Variants in UMOD observed in about 807,000 individuals in gnomAD.
UMOD encodes uromodulin, also known as Tamm-Horsfall urinary glycoprotein.
Under a neutral mutation model 66.0 loss-of-function variants are expected in UMOD, and 64 were observed. The observed-to-expected ratio is 0.97, with a 90% CI of 0.79 to 1.19. UMOD has a LOEUF of 1.19. Ranked by LOEUF, UMOD falls within the 50% of genes most tolerant of loss-of-function variation. UMOD has a pLI of 0.00. For missense variants in UMOD, 764 were observed against 850.9 expected (o/e 0.90, Z 1.27); for synonymous variants, 398 against 352.7 (o/e 1.13, Z -1.44).
intron 2 of UMOD, chr16:20,349,731 T>C (rs1024856906): frequency 5.2e-6 from 8 of 1,536,608 alleles, no homozygotes; most frequent in Non-Finnish European, 6.1e-6. Context: ...ACGGTGAACC[T>C]GTTGCCCCTC....
upstream of UMOD, among the ~76,000 whole-genome samples, chr16:20,353,052 G>A (rs141252668): frequency 6.6e-6 from 1 of 152,262 alleles, no homozygotes; most frequent in African/African-American, 2.4e-5. Flanking sequence ...CACTGACAAG[G>A]GCAGGGTGGG....
intron 2 of UMOD, 116 bp downstream of exon 2, chr16:20,350,534 T>C (rs1213081191): frequency 1.5e-6 from 2 of 1,302,088 alleles, no homozygotes; most frequent in Admixed American, 2.0e-5. Flanking sequence ...AATGCAAGTC[T>C]CAAGTGCGAT....
chr16:20,340,472 GTATATATA>G (rs10533543), intron 7 of UMOD, among the ~76,000 whole-genome samples: 1 of 112,526 alleles, frequency 8.9e-6, no homozygotes, highest in African/African-American at 4.1e-5. Context: ...GTGTGTGTGT[GTATATATA>G]TATATATATA....
chr16:20,355,980 G>A (rs1966024186), upstream of UMOD, among the ~76,000 whole-genome samples: 1 of 152,190 alleles, frequency 6.6e-6, no homozygotes, highest in Non-Finnish European at 1.5e-5. Flanking sequence ...TTGGGTTACA[G>A]AACATTCCAT....
chr16:20,341,306 G>A lies in UMOD; in HGVS notation c.1362C>T (p.Gly454=), dbSNP rs770875763. Reference sequence around the variant, plus strand: ...AGAGCGCCATCCGCACGGTGAACATGCCGGTCCCGCCCACTCTGATGTTTA... The same window carrying A: ...AGAGCGCCATCCGCACGGTGAACATACCGGTCCCGCCCACTCTGATGTTTA... ...SALNIRVGGT[G]MFTVRMALFQ... is the part of the protein sequence containing the mutation. The change falls in exon 7 of 11, where the codon GGC becomes GGT. Residue 454 remains glycine, a synonymous_variant. Coordinates refer to ENST00000396138, the MANE Select transcript of UMOD (RefSeq NM_003361.4). 1 of 1,613,862 alleles carries A rather than the reference G, an allele frequency of 6.2e-7. No homozygotes were observed. The highest frequency in any genetic ancestry group is 1.1e-5 in the South Asian group (1 of 91,082).
At chr16:20,336,820 T>A in intron 8 of UMOD, 93 bp from the exon 9 acceptor site, 1 of 1,155,446 alleles carries the variant, frequency 8.7e-7, no homozygotes, top group Non-Finnish European at 1.3e-6. Flanking sequence ...CACAGGTGCC[T>A]TCCCTTGCCC....
rs755850083 is a variant in UMOD at position 20,348,362 on chromosome 16, A to C, written c.866-32T>G. On this transcript the variant is annotated intron_variant, in intron 3 of 10. Coordinates refer to ENST00000396138, the MANE Select transcript of UMOD (RefSeq NM_003361.4). ...GGTCACAGGGACAGACAGACAATCA[A>C]TAAGGACGCACCCCCGTCCTCTGCA... 5 of 1,614,048 alleles carry C rather than the reference A, an allele frequency of 3.1e-6. No individual in the cohort carries two copies. The African/African-American group carries it at 6.7e-5, about 22-fold the overall frequency.
At chr16:20,343,526 AG>A (rs1965361191) in intron 6 of UMOD, among the ~76,000 whole-genome samples, 1 of 152,230 alleles carries the variant, frequency 6.6e-6, no homozygotes, top group African/African-American at 2.4e-5. Flanking sequence ...CTCTTTGAAA[AG>A]TAGAGACTTT....
At chr16:20,355,002 T>C (rs984763531), upstream of UMOD, among the ~76,000 whole-genome samples, 8 of 152,148 alleles carry the variant, frequency 5.3e-5, no homozygotes, top group Non-Finnish European at 8.8e-5. Context: ...GTCTCTGAAA[T>C]TATTCAAACT....
At chr16:20,339,769 C>T (rs1365879390) in intron 7 of UMOD, among the ~76,000 whole-genome samples, 1 of 152,236 alleles carries the variant, frequency 6.6e-6, no homozygotes, top group Non-Finnish European at 1.5e-5. Flanking sequence ...AGTTGGCCCT[C>T]CCCCTTTAGA....
intron 10 of UMOD, among the ~76,000 whole-genome samples, chr16:20,334,874 C>T (rs1165110531): frequency 1.3e-5 from 2 of 150,384 alleles, no homozygotes; most frequent in Admixed American, 1.3e-4. Context: ...GCTTTGTTGC[C>T]AGGCTGGAGT....
chr16:20,348,525 TCC>T lies in UMOD; in HGVS notation c.774_775del (p.Trp258Ter), dbSNP rs759615920. ...ACAGGCCTTCACCTGGACGGACGCATCCCACAGGCAGCAGTGGCCGCTCCAGT... is the reference window on the plus strand; with the variant it reads ...ACAGGCCTTCACCTGGACGGACGCATCACAGGCAGCAGTGGCCGCTCCAGT... On this transcript the variant is annotated stop_gained and frameshift_variant, in exon 3 of 11. Transcript: ENST00000396138. LOFTEE classifies it high-confidence loss of function. The T allele has an allele frequency of 2.5e-6, 4 of 1,606,384 alleles. No homozygotes were observed. In the South Asian group the frequency reaches 4.4e-5, roughly 18 times the overall value.
upstream of UMOD, among the ~76,000 whole-genome samples, chr16:20,354,451 G>A (rs191630063): frequency 5.9e-5 from 9 of 152,256 alleles, no homozygotes; most frequent in Non-Finnish European, 5.9e-5. Context: ...TTGCCAAAAG[G>A]ATAAGTGGAA....
chr16:20,344,091 T>A lies in UMOD; in HGVS notation c.1264A>T (p.Asn422Tyr). The A allele has an allele frequency of 2.5e-6, 4 of 1,613,420 alleles. No individual in the cohort carries two copies. Among genetic ancestry groups the A allele is most frequent in the Non-Finnish European group, 3.4e-6 (4 of 1,179,958 alleles). ...TCCAGGGGGTAGGAGCATGCAAAGT[T>A]GATTTTGATGTTGAGGTCACGGATG... is the stretch of plus-strand genomic sequence containing the variant. ...IIIRDLNIKI[N>Y]FACSYPLDMK... Residue 422 changes from asparagine to tyrosine, a missense_variant, in exon 6 of 11, where the codon AAC becomes TAC. Transcript: ENST00000396138.
chr16:20,349,960 A>T (rs1965811409), intron 2 of UMOD: 1 of 1,373,280 alleles, frequency 7.3e-7, no homozygotes, highest in Admixed American at 2.8e-5. Context: ...TGCACTTTTC[A>T]CTCACTATCT....
At chr16:20,337,035 TA>T (rs1470642787) in intron 8 of UMOD, among the ~76,000 whole-genome samples, 1 of 152,168 alleles carries the variant, frequency 6.6e-6, no homozygotes, top group African/African-American at 2.4e-5. Context: ...GCACAGTGCT[TA>T]AAAATGTCAG....
At chr16:20,352,205 A>G (rs1049998613) in intron 1 of UMOD, among the ~76,000 whole-genome samples, 23 of 152,200 alleles carry the variant, frequency 1.5e-4, no homozygotes, top group African/African-American at 5.5e-4. Flanking sequence ...AGATGAGAAA[A>G]CAGGGGGACA....
chr16:20,347,663 G>A (rs1965664124), intron 4 of UMOD, among the ~76,000 whole-genome samples: 1 of 152,184 alleles, frequency 6.6e-6, no homozygotes, highest in South Asian at 2.1e-4. Flanking sequence ...TCATGGCACA[G>A]GTAACACTTG....
intron 5 of UMOD, among the ~76,000 whole-genome samples, chr16:20,344,808 G>A (rs368844017): frequency 2.7e-4 from 41 of 152,240 alleles, no homozygotes; most frequent in African/African-American, 8.9e-4. Flanking sequence ...AACAAGTGGC[G>A]CTGCCACATC....
Sources: gnomAD v4.1 joint callset for allele counts (sites outside exome capture counted in the v4.1 genomes callset) on GRCh38, gnomAD v4.1.1 for gene constraint, MANE v1.5 for transcripts, NCBI Gene and HGNC (gene_info 2026-07-23, HGNC 2026-07-21) for gene names.